Variants in ZNF141 observed in about 807,000 individuals in gnomAD.
ZNF141 encodes the protein zinc finger protein 141 (clone pHZ-44).
In ZNF141, 7 loss-of-function variants were observed where a neutral mutation model predicts 11.3. That is an observed-to-expected ratio of 0.62 (90% CI 0.35 to 1.16). The LOEUF (loss-of-function observed/expected upper bound fraction) is 1.16, where lower values mean the gene tolerates loss of function less well. Among genes scored for constraint, ZNF141 ranks in the 50% most tolerant of loss-of-function variants. The pLI is 0.02. For synonymous variants in ZNF141, 183 were observed against 190.7 expected, an observed-to-expected ratio of 0.96 and a Z score of 0.33; for missense variants, 535 against 554.0, an observed-to-expected ratio of 0.97 and a Z score of 0.34.
intron 3 of ZNF141, among the ~76,000 whole-genome samples, chr4:359,944 C>T (rs2108709798): frequency 6.6e-6 from 1 of 152,318 alleles, no homozygotes; most frequent in East Asian, 1.9e-4. Context: ...AAAGGCCTTT[C>T]ACCTGAGACA....
At chr4:370,991 C>CA (rs1382162689) in intron 3 of ZNF141, among the ~76,000 whole-genome samples, 2 of 151,964 alleles carry the variant, frequency 1.3e-5, no homozygotes, top group African/African-American at 2.4e-5. Flanking sequence ...CTCGGCCTCT[C>CA]AAAGTGCTGG....
chr4:375,111 A>G lies in ZNF141; in HGVS notation c.*1249A>G, dbSNP rs1476201013. ...TCGAGAAAAGTTATAGAAATATAAA[A>G]AATATAGAAAAGTCATATCTCCTCA... On this transcript the variant is annotated 3_prime_UTR_variant, in exon 4 of 4. Transcript: ENST00000240499. 5.3e-5 allele frequency: 8 copies of G among 152,154 alleles called. No homozygotes were observed. Among genetic ancestry groups the G allele is most frequent in the Non-Finnish European group, 1.2e-4 (8 of 67,990 alleles). The allele number at this position is 152,154 out of a possible 1,614,324, so 9.4% of individuals were successfully genotyped here.
intron 3 of ZNF141, among the ~76,000 whole-genome samples, chr4:346,316 A>T (rs1358774160): frequency 6.6e-6 from 1 of 152,206 alleles, no homozygotes; most frequent in Non-Finnish European, 1.5e-5. Flanking sequence ...TTTGTGTGAC[A>T]TGGATTTTTC....
Position 381,223 on chromosome 4 carries a change from G to C in ZNF141, c.*7361G>C, listed in dbSNP as rs1712600597. ...TCCTTTGTGCCTGTTTCTCAGTTTT[G>C]CCTAAATGCTACCAATTATCTTACA... On this transcript the variant is annotated 3_prime_UTR_variant, in exon 4 of 4. Coordinates refer to ENST00000240499, the MANE Select transcript of ZNF141 (RefSeq NM_003441.4). 6.6e-6 allele frequency among the ~76,000 whole-genome samples: 1 copy of C among 151,810 alleles called. No homozygotes were observed. The highest frequency in any genetic ancestry group is 2.4e-5 in the African/African-American group (1 of 41,302).
rs1469685523 is a variant in ZNF141 at position 381,965 on chromosome 4, T to G, written c.*8103T>G. The stretch of plus-strand genomic sequence containing the variant: ...TGGGAACTTTTTTTTTTTTTTTTTT[T>G]GAGACGGAGTCTCACTCTCGCCCAG... On this transcript the variant is annotated 3_prime_UTR_variant, in exon 4 of 4. Transcript: ENST00000240499. Among the ~76,000 whole-genome samples the G allele has an allele frequency of 7.4e-6, 1 of 135,600 alleles. No homozygotes were observed. The highest frequency in any genetic ancestry group is 2.8e-5 in the African/African-American group (1 of 35,964). 89.0% of individuals were successfully genotyped at this position (135,600 alleles called of 152,430 possible). A position where few individuals can be genotyped will look rare whatever the true frequency, so the allele number is the denominator to read the frequency against.
Position 379,600 on chromosome 4 carries a change from C to G in ZNF141, c.*5738C>G, listed in dbSNP as rs915183067. ...ATGTTGGCCAGGCTGGTCTCAAACT[C>G]CTGACCCTGTGATCCTGCCACCTTG... On this transcript the variant is annotated 3_prime_UTR_variant, in exon 4 of 4. Coordinates refer to ENST00000240499, the MANE Select transcript of ZNF141 (RefSeq NM_003441.4). 6.6e-6 allele frequency among the ~76,000 whole-genome samples: 1 copy of G among 152,130 alleles called. No homozygotes were observed. The highest frequency in any genetic ancestry group is 6.5e-5 in the Admixed American group (1 of 15,278).
rs184207327 is a variant in ZNF141 at position 383,038 on chromosome 4, G to C, written c.*9176G>C. On this transcript the variant is annotated 3_prime_UTR_variant, in exon 4 of 4. Coordinates refer to ENST00000240499, the MANE Select transcript of ZNF141 (RefSeq NM_003441.4). ...TCTTGACTTATCTGCACTGGCACAG[G>C]GTGCCAGTTTGGGGCCCAGGTTTAA... 36 of 617,828 alleles carry C rather than the reference G, an allele frequency of 5.8e-5. No homozygotes were observed. The highest frequency in any genetic ancestry group is 9.8e-5 in the Non-Finnish European group (34 of 348,666). The allele number at this position is 617,828 out of a possible 1,614,324, so 38.3% of individuals were successfully genotyped here.
At chr4:343,950 G>A in intron 2 of ZNF141, 42 bp downstream of exon 2, 1 of 1,571,676 alleles carries the variant, frequency 6.4e-7, no homozygotes, top group Non-Finnish European at 8.6e-7. Flanking sequence ...TTTTCTCAGA[G>A]CTTTATTTTA....
At chr4:344,046 C>A (rs1721194142) in intron 2 of ZNF141, 138 bp downstream of exon 2, 33 of 1,267,188 alleles carry the variant, frequency 2.6e-5, no homozygotes, top group East Asian at 1.0e-4. Flanking sequence ...GAGTCCTTCA[C>A]TCTAGGTTAG....
At chr4:351,677 C>G (rs1721609909) in intron 3 of ZNF141, among the ~76,000 whole-genome samples, 1 of 152,100 alleles carries the variant, frequency 6.6e-6, no homozygotes, top group Non-Finnish European at 1.5e-5. Context: ...AGTGAATAAC[C>G]TTGACTGGGA....
chr4:371,732 G>A lies in ZNF141; in HGVS notation c.227-932G>A, dbSNP rs542161232. On this transcript the variant is annotated intron_variant, in intron 3 of 3. Transcript: ENST00000240499. The stretch of plus-strand genomic sequence containing the variant: ...TTTTTTTGTATTTTTAGTAGGGACG[G>A]TGATTCACCATGTTAGCCAAGATGG... Among the ~76,000 whole-genome samples the A allele has an allele frequency of 9.3e-5, 14 of 151,056 alleles. No homozygotes were observed. The East Asian group carries it at 2.7e-3, about 29-fold the overall frequency.
chr4:350,563 T>C (rs1480969082), intron 3 of ZNF141, among the ~76,000 whole-genome samples: 2 of 152,216 alleles, frequency 1.3e-5, no homozygotes, highest in African/African-American at 4.8e-5. Flanking sequence ...TTGTAAATTA[T>C]ACGGTTTGGA....
Position 373,939 on chromosome 4 carries a change from T to C in ZNF141, c.*77T>C, listed in dbSNP as rs1441197035. 2 of 1,289,558 alleles carry C rather than the reference T, an allele frequency of 1.6e-6. No individual in the cohort carries two copies. Among genetic ancestry groups the C allele is most frequent in the African/African-American group, 1.5e-5 (1 of 66,952 alleles). 79.9% of individuals were successfully genotyped at this position (1,289,558 alleles called of 1,614,324 possible). On this transcript the variant is annotated 3_prime_UTR_variant, in exon 4 of 4. Coordinates refer to ENST00000240499, the MANE Select transcript of ZNF141 (RefSeq NM_003441.4). ...ACCTTAATGAACATGAGAAAATTTA[T>C]ACTGTAGAGAAACCCTGGAAATGTG...
chr4:351,236 C>CTT (rs869153709), intron 3 of ZNF141, among the ~76,000 whole-genome samples: 21 of 134,998 alleles, frequency 1.6e-4, no homozygotes, highest in African/African-American at 3.0e-4. Context: ...CCAGTTAAAC[C>CTT]TTTTTTTTTT....
Position 383,130 on chromosome 4 carries a change from G to A in ZNF141, c.*9268G>A. The stretch of plus-strand genomic sequence containing the variant: ...TCTCTATGACAACAAGCCCATTTTA[G>A]CTTTCTGGAGAATAGCATCTGAGAA... On this transcript the variant is annotated 3_prime_UTR_variant, in exon 4 of 4. Transcript: ENST00000240499. 1.4e-6 allele frequency: 1 copy of A among 701,582 alleles called. No homozygotes were observed. Among genetic ancestry groups the A allele is most frequent in the East Asian group, 2.7e-5 (1 of 37,182 alleles). The allele number at this position is 701,582 out of a possible 1,614,324, so 43.5% of individuals were successfully genotyped here. A position where few individuals can be genotyped will look rare whatever the true frequency, so the allele number is the denominator to read the frequency against.
chr4:376,785 A>T lies in ZNF141; in HGVS notation c.*2923A>T, dbSNP rs1005655797. Among the ~76,000 whole-genome samples, 1 of 152,086 alleles carries T rather than the reference A, an allele frequency of 6.6e-6. No homozygotes were observed. Among genetic ancestry groups the T allele is most frequent in the Non-Finnish European group, 1.5e-5 (1 of 67,958 alleles). ...AAAGAAGATTATGTTAATACCATGG[A>T]TAATTTACTGGAAATCTAGAAGCCT... On this transcript the variant is annotated 3_prime_UTR_variant, in exon 4 of 4. Transcript: ENST00000240499.
In ZNF141 at chr4:378,817, CCAAA is replaced by C. The variant is rs1184138126; in HGVS notation, c.*4958_*4961del. On this transcript the variant is annotated 3_prime_UTR_variant, in exon 4 of 4. Coordinates refer to ENST00000240499, the MANE Select transcript of ZNF141 (RefSeq NM_003441.4). ...TTGAAGATTATGGCAGCTGTTGAAT[CCAAA>C]CAGTTTCTCAGTGATTTTTTTTTTT... Among the ~76,000 whole-genome samples the C allele has an allele frequency of 5.9e-4, 87 of 146,876 alleles. 1 individual carries two copies. The highest frequency in any genetic ancestry group is 2.0e-3 in the African/African-American group (78 of 39,336).
At chr4:365,455 T>C (rs1314814117) in intron 3 of ZNF141, among the ~76,000 whole-genome samples, 7 of 152,242 alleles carry the variant, frequency 4.6e-5, no homozygotes, top group African/African-American at 1.7e-4. Flanking sequence ...GCCGTTCCTA[T>C]TCAGCCATCT....
At chr4:368,657 G>A (rs193226768) in intron 3 of ZNF141, among the ~76,000 whole-genome samples, 30 of 152,304 alleles carry the variant, frequency 2.0e-4, no homozygotes, top group Admixed American at 1.6e-3. Context: ...TACAATAATT[G>A]TGAGTGTCCA....
Sources: gnomAD v4.1 joint callset for allele counts (sites outside exome capture counted in the v4.1 genomes callset) on GRCh38, gnomAD v4.1.1 for gene constraint, MANE v1.5 for transcripts, NCBI Gene and HGNC (gene_info 2026-07-23, HGNC 2026-07-21) for gene names.